The following PPM1L variants were observed in gnomAD, a reference collection of about 807,000 sequenced individuals.
PPM1L encodes the protein protein phosphatase 1L.
PPM1L carries 13 observed loss-of-function variants against 31.4 expected under a neutral mutation model. The ratio of observed to expected loss-of-function variants is 0.41; its 90% CI spans 0.27 to 0.66. The LOEUF is 0.66. Ranked by LOEUF, PPM1L falls within the 30% of genes least tolerant of loss-of-function variation. The pLI is 0.29. For synonymous variants in PPM1L, 184 were observed against 175.4 expected (o/e 1.05, Z -0.39); for missense variants, 326 against 453.7 (o/e 0.72, Z 2.56).
chr3:160,918,218 T>A (rs1236272210), intron 1 of PPM1L, among the ~76,000 whole-genome samples: 1 of 152,248 alleles, frequency 6.6e-6, no homozygotes, highest in African/African-American at 2.4e-5. Flanking sequence ...GAAAGCTATT[T>A]GAGGGCAAAA....
chr3:161,052,975 C>G (rs962320026), intron 2 of PPM1L, among the ~76,000 whole-genome samples: 3 of 152,046 alleles, frequency 2.0e-5, no homozygotes, highest in African/African-American at 7.3e-5. Flanking sequence ...CCTGTTATAC[C>G]CCACTCCCAT....
chr3:160,993,274 C>T (rs1222537569), intron 2 of PPM1L, among the ~76,000 whole-genome samples: 1 of 152,138 alleles, frequency 6.6e-6, no homozygotes, highest in African/African-American at 2.4e-5. Context: ...TGATGGCCAG[C>T]ATCAATATTC....
intron 2 of PPM1L, among the ~76,000 whole-genome samples, chr3:161,012,981 T>C (rs569107046): frequency 6.6e-6 from 1 of 152,318 alleles, no homozygotes; most frequent in African/African-American, 2.4e-5. Flanking sequence ...CCTGGATTCA[T>C]TGATTTTTTG....
chr3:160,757,177 T>G (rs1398932163), intron 1 of PPM1L, among the ~76,000 whole-genome samples: 5 of 152,208 alleles, frequency 3.3e-5, no homozygotes, highest in African/African-American at 1.2e-4. Context: ...GCGAGCTCAT[T>G]GAGGGTGAAG....
At chr3:160,957,087 A>G (rs1207288288) in intron 1 of PPM1L, among the ~76,000 whole-genome samples, 2 of 152,222 alleles carry the variant, frequency 1.3e-5, no homozygotes, top group Non-Finnish European at 2.9e-5. Flanking sequence ...CTAACAGTAT[A>G]TACATGGCAT....
intron 2 of PPM1L, among the ~76,000 whole-genome samples, chr3:160,967,331 G>A (rs909244685): frequency 1.3e-4 from 20 of 151,902 alleles, no homozygotes; most frequent in South Asian, 2.1e-4. Flanking sequence ...AATACACCCT[G>A]CTTTAACAAA....
chr3:160,805,091 G>T (rs199772525), intron 1 of PPM1L, among the ~76,000 whole-genome samples: 1 of 152,192 alleles, frequency 6.6e-6, no homozygotes, highest in East Asian at 1.9e-4. Flanking sequence ...GAGGATTGCT[G>T]CTCAGGGCCT....
intron 1 of PPM1L, among the ~76,000 whole-genome samples, chr3:160,829,234 TA>T (rs1232764941): frequency 0.085 from 11,241 of 131,952 alleles, 473 homozygotes; most frequent in African/African-American, 0.13. Context: ...CCACCCTTGA[TA>T]AAAAAAAAAA....
intron 1 of PPM1L, among the ~76,000 whole-genome samples, chr3:160,832,528 A>G (rs1043777726): frequency 2.0e-5 from 3 of 152,078 alleles, no homozygotes; most frequent in Middle Eastern, 3.2e-3. Flanking sequence ...TTTTAATTTT[A>G]TGAGTCCCAA....
intron 1 of PPM1L, among the ~76,000 whole-genome samples, chr3:160,786,541 T>C (rs1711938617): frequency 6.6e-6 from 1 of 151,364 alleles, no homozygotes; most frequent in Non-Finnish European, 1.5e-5. Flanking sequence ...TAATTACGAG[T>C]AAAGTTGAAC....
chr3:161,044,221 G>A (rs1394959326), intron 2 of PPM1L, among the ~76,000 whole-genome samples: 1 of 151,914 alleles, frequency 6.6e-6, no homozygotes, highest in Admixed American at 6.6e-5. Flanking sequence ...TGTATTTTTA[G>A]TAGAGATGGG....
intron 1 of PPM1L, chr3:160,842,315 A>T (rs1489628736): frequency 4.3e-6 from 3 of 702,414 alleles, no homozygotes; most frequent in Non-Finnish European, 7.8e-6. Context: ...GTTTGGCTCT[A>T]ATAGAGGACT....
chr3:160,904,646 C>T (rs1284232024), intron 1 of PPM1L, among the ~76,000 whole-genome samples: 2 of 151,686 alleles, frequency 1.3e-5, no homozygotes, highest in Admixed American at 6.6e-5. Flanking sequence ...TTATTGATAG[C>T]TGCACTTATA....
At chr3:160,991,809 T>C (rs1717144990) in intron 2 of PPM1L, among the ~76,000 whole-genome samples, 1 of 152,236 alleles carries the variant, frequency 6.6e-6, no homozygotes, top group African/African-American at 2.4e-5. Flanking sequence ...CATCTCATTA[T>C]ACTGCATTCT....
chr3:160,844,857 A>G (rs1714024840), intron 1 of PPM1L, among the ~76,000 whole-genome samples: 1 of 151,948 alleles, frequency 6.6e-6, no homozygotes, highest in Admixed American at 6.6e-5. Context: ...CATTTTCATC[A>G]CCCCAAGCAG....
intron 1 of PPM1L, among the ~76,000 whole-genome samples, chr3:160,912,042 A>G (rs1363834166): frequency 6.6e-6 from 1 of 152,222 alleles, no homozygotes; most frequent in African/African-American, 2.4e-5. Context: ...AAGGAGAGTT[A>G]GGATTTAGAA....
chr3:160,811,610 G>A (rs931019145), intron 1 of PPM1L, among the ~76,000 whole-genome samples: 3 of 152,126 alleles, frequency 2.0e-5, no homozygotes, highest in African/African-American at 7.2e-5. Context: ...AGCTTAAATT[G>A]AATATTCTTA....
chr3:160,828,490 A>G (rs942127698), intron 1 of PPM1L, among the ~76,000 whole-genome samples: 6 of 152,160 alleles, frequency 3.9e-5, no homozygotes, highest in African/African-American at 1.2e-4. Context: ...ACAAAATAGG[A>G]AAAATCCCTT....
chr3:161,064,108 G>A (rs1719654859), intron 2 of PPM1L, among the ~76,000 whole-genome samples: 1 of 150,974 alleles, frequency 6.6e-6, no homozygotes, highest in Non-Finnish European at 1.5e-5. Context: ...GATGGGTACA[G>A]CAAACCACCA....
Sources: allele counts gnomAD v4.1 joint callset (sites outside exome capture counted in the v4.1 genomes callset), GRCh38; gene constraint gnomAD v4.1.1; transcripts MANE v1.5; gene names NCBI Gene and HGNC (gene_info 2026-07-23, HGNC 2026-07-21).